The following PCM1 variants were observed in gnomAD, a reference collection of about 807,000 sequenced individuals.
The protein encoded by PCM1 is pericentriolar material 1 protein.
Under a neutral mutation model 241.9 loss-of-function variants are expected in PCM1, and 157 were observed. The observed-to-expected ratio is 0.65, with a 90% CI of 0.57 to 0.74. PCM1 has a LOEUF of 0.74. Among genes scored for constraint, PCM1 ranks in the 30% least tolerant of loss-of-function variants. PCM1 has a pLI of 0.00. For missense variants in PCM1, 3,478 were observed against 2,360.1 expected (o/e 1.47, Z -9.81); for synonymous variants, 1,085 against 784.9 (o/e 1.38, Z -6.39).
chr8:17,944,586 C>T (rs1586256929), intron 6 of PCM1, among the ~76,000 whole-genome samples: 3 of 151,690 alleles, frequency 2.0e-5, no homozygotes, highest in Admixed American at 2.0e-4. Context: ...GTGACTTTTT[C>T]AAAAAAAGTT....
In PCM1 at chr8:17,964,706, T is replaced by C. The variant is rs1253464698; in HGVS notation, c.2793T>C (p.Phe931=). The C allele has an allele frequency of 6.2e-7, 1 of 1,613,954 alleles. No individual in the cohort carries two copies. The highest frequency in any genetic ancestry group is 1.7e-5 in the Admixed American group (1 of 60,034). The change falls in exon 18 of 39, where the codon TTT becomes TTC. Residue 931 remains phenylalanine, a synonymous_variant. Transcript: ENST00000325083. ...EEQDASSNDN[F]SVCPSNSVNH... ...AAGATGCCAGTTCCAATGATAACTT[T>C]TCTGTGTGTCCTTCTAACAGTGTGA...
chr8:17,990,648 A>G (rs1225170738), intron 27 of PCM1, among the ~76,000 whole-genome samples: 4 of 152,140 alleles, frequency 2.6e-5, no homozygotes, highest in Admixed American at 2.6e-4. Context: ...GTGGCCAATC[A>G]AAAGAGAACC....
At chr8:17,971,060 A>G (rs2129471679) in intron 22 of PCM1, among the ~76,000 whole-genome samples, 1 of 152,374 alleles carries the variant, frequency 6.6e-6, no homozygotes, top group Middle Eastern at 3.4e-3. Flanking sequence ...GGCAATATGT[A>G]AACATGAGTA....
In PCM1 at chr8:17,960,014, G is replaced by A; in HGVS notation, c.2041G>A (p.Asp681Asn). Reference sequence around the variant, plus strand: ...TTTTAATGTAATGATGCTCTTTCAGGATGATGATGCAGCTCAAGGAGTTAT... The same window carrying A: ...TTTTAATGTAATGATGCTCTTTCAGAATGATGATGCAGCTCAAGGAGTTAT... Reference protein sequence around the residue: ...QLQDLVAMVQDDDAAQGVISA... With the variant: ...QLQDLVAMVQNDDAAQGVISA... Residue 681 changes from aspartate to asparagine, a missense_variant and splice_region_variant, in exon 14 of 39, where the codon GAT (aspartate) becomes AAT (asparagine). Coordinates refer to ENST00000325083, the MANE Select transcript of PCM1 (RefSeq NM_006197.4). 6.2e-7 allele frequency: 1 copy of A among 1,612,084 alleles called. No homozygotes were observed. The highest frequency in any genetic ancestry group is 8.5e-7 in the Non-Finnish European group (1 of 1,179,054).
chr8:17,938,798 T>C lies in PCM1; in HGVS notation c.401T>C (p.Leu134Pro). ...RATAANNKRQLSENRKPFNFL... is the reference protein window; with the variant it reads ...RATAANNKRQPSENRKPFNFL... The stretch of plus-strand genomic sequence containing the variant: ...ACAGCTGCTAACAACAAACGTCAGC[T>C]TAGTGAAAACCGAAAGCCCTTCAAC... The change falls in exon 5 of 39, where the codon CTT becomes CCT. Residue 134 changes from leucine to proline, a missense_variant. Coordinates refer to ENST00000325083, the MANE Select transcript of PCM1 (RefSeq NM_006197.4). The C allele has an allele frequency of 2.5e-6, 4 of 1,612,938 alleles. No individual in the cohort carries two copies. Among genetic ancestry groups the C allele is most frequent in the Non-Finnish European group, 3.4e-6 (4 of 1,178,898 alleles).
chr8:18,011,187 T>A (rs776368917), intron 32 of PCM1, 50 bp from the exon 33 acceptor site: 44 of 1,389,384 alleles, frequency 3.2e-5, no homozygotes, highest in Admixed American at 1.8e-4. Context: ...CTATATACCT[T>A]TTACACATGT....
At chr8:18,025,292 C>A in intron 36 of PCM1, 69 bp from the exon 37 acceptor site, 1 of 819,442 alleles carries the variant, frequency 1.2e-6, no homozygotes, top group South Asian at 1.5e-5. Flanking sequence ...GAAAATAATT[C>A]ACTATTTCTT....
At chr8:17,990,072 G>C (rs759422047) in intron 27 of PCM1, 93 bp downstream of exon 27, 107 of 1,022,592 alleles carry the variant, frequency 1.0e-4, no homozygotes, top group Non-Finnish European at 1.4e-4. Flanking sequence ...GTCTAGAAAG[G>C]CGAAGTGTGT....
rs560308395 is a variant in PCM1, at chr8:17,966,981, T to C, written c.3223T>C (p.Leu1075=). ...LTWQQNNVQR[L]KQMLNELMRQ... ...GATTACTGACTTAAATCTTTGTAGGTTGAAACAAATGCTAAATGAACTTAT... is the reference window on the plus strand; with the variant it reads ...GATTACTGACTTAAATCTTTGTAGGCTGAAACAAATGCTAAATGAACTTAT... The change falls in exon 21 of 39, where the codon TTG becomes CTG. Residue 1075 remains leucine, a splice_region_variant and synonymous_variant. Coordinates refer to ENST00000325083, the MANE Select transcript of PCM1 (RefSeq NM_006197.4). The C allele has an allele frequency of 2.4e-5, 39 of 1,598,940 alleles. No homozygotes were observed. The Admixed American group carries it at 4.9e-4, about 20-fold the overall frequency.
intron 24 of PCM1, 49 bp from the exon 25 acceptor site, chr8:17,985,398 A>T: frequency 3.0e-6 from 4 of 1,315,612 alleles, no homozygotes; most frequent in East Asian, 2.6e-5. Context: ...AAAAGTTGTC[A>T]TGAAGGTACT....
chr8:17,938,434 C>G (rs969112923), intron 4 of PCM1, among the ~76,000 whole-genome samples: 2 of 152,108 alleles, frequency 1.3e-5, no homozygotes, highest in African/African-American at 4.8e-5. Flanking sequence ...AATGAAACTC[C>G]TAACACTTCT....
intron 9 of PCM1, among the ~76,000 whole-genome samples, chr8:17,954,359 G>A (rs772423596): frequency 6.6e-6 from 1 of 151,660 alleles, no homozygotes; most frequent in Non-Finnish European, 1.5e-5. Context: ...TCTGGGAGGC[G>A]GAGGTTGTGG....
chr8:18,020,862 T>G (rs1432079677), intron 36 of PCM1, among the ~76,000 whole-genome samples: 1 of 152,208 alleles, frequency 6.6e-6, no homozygotes, highest in East Asian at 1.9e-4. Context: ...GGTTTCTCAC[T>G]TGTAGTGGAA....
In PCM1 at chr8:18,028,298, A is replaced by G. The variant is rs1380640304; in HGVS notation, c.*636A>G. The stretch of plus-strand genomic sequence containing the variant: ...TAAGTTTAGAACATAGGTTCTCAGT[A>G]TCTAGAACTTACATCATTATCATCT... On this transcript the variant is annotated 3_prime_UTR_variant, in exon 39 of 39. Coordinates refer to ENST00000325083, the MANE Select transcript of PCM1 (RefSeq NM_006197.4). The G allele has an allele frequency of 2.2e-5, 3 of 135,338 alleles. No homozygotes were observed. Among genetic ancestry groups the G allele is most frequent in the Non-Finnish European group, 4.4e-5 (3 of 68,948 alleles). The allele number at this position is 135,338 out of a possible 1,614,324, so 8.4% of individuals were successfully genotyped here.
chr8:17,950,354 T>C (rs1238405536), intron 7 of PCM1, among the ~76,000 whole-genome samples: 1 of 152,178 alleles, frequency 6.6e-6, no homozygotes, highest in East Asian at 1.9e-4. Context: ...TTAATTGGAA[T>C]GTAATAGTAA....
intron 2 of PCM1, chr8:17,925,104 A>C (rs1484669261): frequency 6.6e-6 from 1 of 152,232 alleles, no homozygotes; most frequent in Non-Finnish European, 1.5e-5. Flanking sequence ...TCTCTTTCCA[A>C]ATCCATTTAA....
intron 16 of PCM1, 76 bp downstream of exon 16, chr8:17,962,250 C>A (rs2129468164): frequency 7.6e-7 from 1 of 1,321,208 alleles, no homozygotes; most frequent in South Asian, 1.4e-5. Flanking sequence ...AGGCACATCT[C>A]AAGAAAGGAA....
intron 17 of PCM1, 103 bp downstream of exon 17, chr8:17,963,394 G>T: frequency 1.3e-6 from 1 of 744,306 alleles, no homozygotes; most frequent in South Asian, 2.2e-5. Context: ...GCACAAATCT[G>T]CTATTTCAGT....
intron 21 of PCM1, 150 bp downstream of exon 21, chr8:17,967,320 C>G (rs13265223): frequency 2.0e-6 from 1 of 498,482 alleles, no homozygotes; most frequent in Non-Finnish European, 3.3e-6. Flanking sequence ...TTTTTTTTTT[C>G]TTTTTGAGGC....
Sources: allele counts gnomAD v4.1 joint callset (sites outside exome capture counted in the v4.1 genomes callset), GRCh38; gene constraint gnomAD v4.1.1; transcripts MANE v1.5; gene names NCBI Gene and HGNC (gene_info 2026-07-23, HGNC 2026-07-21).